The following DUSP13A variants were observed in gnomAD, a reference collection of about 807,000 sequenced individuals.
The protein encoded by DUSP13A is dual specificity phosphatase 13A, also known as dual specificity protein phosphatase 13A.
At chr10:75,108,296 C>T in the DUSP13A span, 14 of 1,498,002 alleles carry the variant, frequency 9.3e-6, no homozygotes, top group Middle Eastern at 5.0e-4. Context: ...GCAGAGGGAC[C>T]GAGCCATTAG....
At chr10:75,105,894 C>T in the DUSP13A span, 9 of 1,540,842 alleles carry the variant, frequency 5.8e-6, no homozygotes, top group South Asian at 1.1e-4. Context: ...TGGTGAAAAA[C>T]CCTGTCCCAC....
the DUSP13A span, chr10:75,108,120 C>T: frequency 6.2e-7 from 1 of 1,613,742 alleles, no homozygotes; most frequent in South Asian, 1.1e-5. Context: ...GAAGTCAGGG[C>T]CGCCCTGACA....
chr10:75,107,886 G>A, the DUSP13A span: 4 of 1,341,794 alleles, frequency 3.0e-6, no homozygotes, highest in African/African-American at 1.5e-5. Context: ...CTAAGCAGAG[G>A]ATTTTTAAAA....
chr10:75,107,937 G>A, the DUSP13A span: 5 of 1,532,708 alleles, frequency 3.3e-6, no homozygotes, highest in Non-Finnish European at 4.4e-6. Flanking sequence ...AGGAAATGAG[G>A]CATCCTCCCC....
At chr10:75,107,643 C>G in the DUSP13A span, among the ~76,000 whole-genome samples, 1 of 152,026 alleles carries the variant, frequency 6.6e-6, no homozygotes, top group East Asian at 1.9e-4. Context: ...GTGGCATGAT[C>G]TCGGCTCACT....
At chr10:75,106,022 C>T in the DUSP13A span, among the ~76,000 whole-genome samples, 7 of 151,834 alleles carry the variant, frequency 4.6e-5, no homozygotes, top group South Asian at 2.1e-4. Context: ...GTTTCCTGAT[C>T]GGTAAAATGG....
the DUSP13A span, chr10:75,108,873 T>C: frequency 4.1e-6 from 5 of 1,206,422 alleles, no homozygotes; most frequent in Admixed American, 1.4e-4. Context: ...CCGGGGGTCC[T>C]GGAGAAGGTC....
chr10:75,108,022 A>T, the DUSP13A span: 2 of 1,613,486 alleles, frequency 1.2e-6, no homozygotes, highest in Admixed American at 3.3e-5. Flanking sequence ...CGGTGGATGA[A>T]GTCAGCCGCA....
the DUSP13A span, among the ~76,000 whole-genome samples, chr10:75,108,456 C>G: frequency 6.6e-6 from 1 of 152,158 alleles, no homozygotes; most frequent in African/African-American, 2.4e-5. Flanking sequence ...TGCATCTGTC[C>G]CTGCCTTGGC....
chr10:75,107,517 TCA>T, the DUSP13A span, among the ~76,000 whole-genome samples: 1 of 152,264 alleles, frequency 6.6e-6, no homozygotes, highest in African/African-American at 2.4e-5. Flanking sequence ...ATTCCAGGCC[TCA>T]GTTTCCCCAT....
the DUSP13A span, chr10:75,105,841 C>G: frequency 1.3e-6 from 2 of 1,550,560 alleles, no homozygotes; most frequent in South Asian, 1.2e-5. Context: ...GCGGCTCACG[C>G]CCACCACACA....
the DUSP13A span, chr10:75,109,068 T>C: frequency 2.5e-6 from 4 of 1,612,476 alleles, no homozygotes; most frequent in East Asian, 9.0e-5. Context: ...AAGACTTCCC[T>C]GCCCGCAGGA....
the DUSP13A span, chr10:75,105,830 A>G: frequency 2.2e-5 from 34 of 1,550,594 alleles, no homozygotes; most frequent in Non-Finnish European, 4.4e-6. Flanking sequence ...AGCGTGGCAG[A>G]GCGGCTCACG....
chr10:75,108,203 C>G, the DUSP13A span: 34 of 1,601,936 alleles, frequency 2.1e-5, no homozygotes, highest in South Asian at 7.8e-5. Flanking sequence ...GGTTGTTTGC[C>G]GTGGCCCTGG....
chr10:75,105,872 A>G, the DUSP13A span: 1 of 1,546,056 alleles, frequency 6.5e-7, no homozygotes, highest in Middle Eastern at 1.9e-4. Context: ...ACCTTGGCTG[A>G]GGAAGACATC....
the DUSP13A span, among the ~76,000 whole-genome samples, chr10:75,106,505 A>T: frequency 2.0e-5 from 3 of 152,112 alleles, no homozygotes; most frequent in African/African-American, 7.2e-5. Context: ...CGCTCAAAGT[A>T]TTGCTTGAAT....
the DUSP13A span, among the ~76,000 whole-genome samples, chr10:75,107,415 A>C: frequency 3.3e-5 from 5 of 152,080 alleles, no homozygotes; most frequent in Admixed American, 3.3e-4. Flanking sequence ...TGCTTTCCCA[A>C]AGTTGAGTGT....
At chr10:75,105,887 T>C in the DUSP13A span, 1 of 1,544,002 alleles carries the variant, frequency 6.5e-7, no homozygotes, top group Non-Finnish European at 8.8e-7. Context: ...GACATCCTGG[T>C]GAAAAACCCT....
At chr10:75,108,685 G>A in the DUSP13A span, among the ~76,000 whole-genome samples, 41 of 152,212 alleles carry the variant, frequency 2.7e-4, no homozygotes, top group African/African-American at 9.9e-4. Context: ...GAAACAGGGG[G>A]CTCTCTGTCT....
Sources: gnomAD v4.1 joint callset for allele counts (sites outside exome capture counted in the v4.1 genomes callset) on GRCh38, gnomAD v4.1.1 for gene constraint, MANE v1.5 for transcripts, NCBI Gene and HGNC (gene_info 2026-07-23, HGNC 2026-07-21) for gene names.